ATF1: variants seen among roughly 807,000 people sequenced by gnomAD.
The protein encoded by ATF1 is activating transcription factor 1.
A neutral mutation model predicts 34.7 loss-of-function variants in ATF1; 16 were observed. The observed-to-expected ratio is 0.46, with a 90% CI of 0.31 to 0.70. ATF1 has a LOEUF of 0.70. ATF1 is among the 30% of genes least tolerant of loss of function. The pLI, the probability that ATF1 is intolerant of heterozygous loss-of-function variation, is 0.05. For missense variants in ATF1, 255 were observed against 321.6 expected (o/e 0.79, Z 1.58); for synonymous variants, 105 against 113.1 (o/e 0.93, Z 0.46).
At chr12:50,784,165 A>G (rs1941133148) in intron 2 of ATF1, among the ~76,000 whole-genome samples, 3 of 152,204 alleles carry the variant, frequency 2.0e-5, no homozygotes, top group African/African-American at 4.8e-5. Flanking sequence ...TGTCTCAAAA[A>G]AAAAAAGAAA....
chr12:50,770,874 T>C (rs1940752588), intron 1 of ATF1, among the ~76,000 whole-genome samples: 1 of 152,244 alleles, frequency 6.6e-6, no homozygotes, highest in African/African-American at 2.4e-5. Flanking sequence ...GGATCAGTAT[T>C]CTGATTCTGG....
intron 1 of ATF1, among the ~76,000 whole-genome samples, chr12:50,771,349 G>A (rs575650613): frequency 3.3e-5 from 5 of 152,182 alleles, no homozygotes; most frequent in South Asian, 2.1e-4. Flanking sequence ...TATACTTTTT[G>A]TGTAGGAATA....
At chr12:50,780,911 G>A (rs1403768665) in intron 2 of ATF1, among the ~76,000 whole-genome samples, 43 of 152,150 alleles carry the variant, frequency 2.8e-4, no homozygotes, top group Non-Finnish European at 2.9e-5. Flanking sequence ...AGTGAGCACA[G>A]ACTATGCCAC....
intron 2 of ATF1, among the ~76,000 whole-genome samples, chr12:50,780,738 G>A (rs532722063): frequency 1.8e-4 from 27 of 151,934 alleles, no homozygotes; most frequent in African/African-American, 5.8e-4. Context: ...CAGGGCGGGC[G>A]GATCACGAGG....
chr12:50,806,070 G>A (rs1286333641), intron 3 of ATF1, among the ~76,000 whole-genome samples: 1 of 151,378 alleles, frequency 6.6e-6, no homozygotes, highest in Non-Finnish European at 1.5e-5. Flanking sequence ...AGAATTGCTC[G>A]AACCTGGGAG....
chr12:50,795,967 C>G lies in ATF1; in HGVS notation c.152C>G (p.Ser51Ter). The G allele has an allele frequency of 6.2e-7, 1 of 1,612,900 alleles. No individual in the cohort carries two copies. Among genetic ancestry groups the G allele is most frequent in the Non-Finnish European group, 8.5e-7 (1 of 1,179,732 alleles). The change falls in exon 3 of 7, where the codon TCA becomes TGA. Residue 51 changes from serine (S) to a stop codon, truncating the protein, a stop_gained. Transcript: ENST00000262053. LOFTEE classifies it high-confidence loss of function. ...GACTCATCCGACAGCATAGGCTCCTCACAGAAAGCCCACGGGATCCTAGCA... is the reference window on the plus strand; with the variant it reads ...GACTCATCCGACAGCATAGGCTCCTGACAGAAAGCCCACGGGATCCTAGCA... ...SQDSSDSIGS[S>*]QKAHGILARR...
intron 3 of ATF1, among the ~76,000 whole-genome samples, chr12:50,802,607 TCA>T (rs1482750618): frequency 6.6e-6 from 1 of 151,928 alleles, no homozygotes; most frequent in East Asian, 1.9e-4. Flanking sequence ...GAGCGGTGGC[TCA>T]CATCTGTAAT....
chr12:50,780,957 A>C (rs1271863650), intron 2 of ATF1, among the ~76,000 whole-genome samples: 1 of 152,006 alleles, frequency 6.6e-6, no homozygotes, highest in Non-Finnish European at 1.5e-5. Flanking sequence ...GAGACTCCAT[A>C]TCATAAAAAT....
At chr12:50,774,571 A>G (rs1940863727) in intron 1 of ATF1, among the ~76,000 whole-genome samples, 1 of 152,206 alleles carries the variant, frequency 6.6e-6, no homozygotes, top group Non-Finnish European at 1.5e-5. Context: ...TTTATTCTGT[A>G]TTGAACAAGT....
chr12:50,794,101 C>A (rs1193180039), intron 2 of ATF1, among the ~76,000 whole-genome samples: 1 of 151,858 alleles, frequency 6.6e-6, no homozygotes, highest in African/African-American at 2.4e-5. Flanking sequence ...CAGGCGCCTA[C>A]CACCAGGCCC....
At chr12:50,802,871 C>CAAAA (rs71443203) in intron 3 of ATF1, among the ~76,000 whole-genome samples, 764 of 46,644 alleles carry the variant, frequency 0.016, 88 homozygotes, top group African/African-American at 0.066. Flanking sequence ...GACTCCATCT[C>CAAAA]AAAAAAAAAA....
At chr12:50,776,493 TAAAAAAA>T (rs771176201) in intron 1 of ATF1, among the ~76,000 whole-genome samples, 1 of 116,870 alleles carries the variant, frequency 8.6e-6, no homozygotes, top group African/African-American at 3.2e-5. Flanking sequence ...ACCCTGTCTT[TAAAAAAA>T]AAAAAAAAAA....
At chr12:50,808,164 A>T (rs1277185280) in intron 3 of ATF1, among the ~76,000 whole-genome samples, 2 of 152,100 alleles carry the variant, frequency 1.3e-5, no homozygotes, top group African/African-American at 4.8e-5. Flanking sequence ...TCCATCCCTT[A>T]TTCCTGTCAT....
intron 6 of ATF1, among the ~76,000 whole-genome samples, chr12:50,817,736 C>T (rs889704388): frequency 8.5e-5 from 13 of 152,064 alleles, no homozygotes; most frequent in Non-Finnish European, 1.5e-4. Context: ...GAAAGAATTA[C>T]GAGATGTATA....
intron 3 of ATF1, among the ~76,000 whole-genome samples, chr12:50,803,527 A>G (rs567849634): frequency 3.0e-4 from 46 of 151,966 alleles, no homozygotes; most frequent in African/African-American, 1.1e-3. Flanking sequence ...TACAGTTGCT[A>G]TGGAAAACAG....
At chr12:50,773,611 T>G (rs1940836931) in intron 1 of ATF1, among the ~76,000 whole-genome samples, 1 of 151,338 alleles carries the variant, frequency 6.6e-6, no homozygotes, top group Non-Finnish European at 1.5e-5. Context: ...TTCTTGAGAC[T>G]GAGTCTTGCT....
chr12:50,806,711 C>A (rs1941623492), intron 3 of ATF1, among the ~76,000 whole-genome samples: 1 of 151,524 alleles, frequency 6.6e-6, no homozygotes, highest in Non-Finnish European at 1.5e-5. Context: ...AAAAAAAAGA[C>A]CATGCAGGCA....
intron 1 of ATF1, chr12:50,775,565 G>GTT (rs1045403831): frequency 1.2e-4 from 17 of 141,110 alleles, no homozygotes; most frequent in African/African-American, 3.1e-4. Flanking sequence ...AATTAAAATT[G>GTT]TTTTTTTTTT....
At position 50,820,016 on chromosome 12, in the gene ATF1, A is replaced by G. The variant is rs1941917326; in HGVS notation, c.*237A>G. On this transcript the variant is annotated 3_prime_UTR_variant, in exon 7 of 7. Coordinates refer to ENST00000262053, the MANE Select transcript of ATF1 (RefSeq NM_005171.5). ...ATTAAACATATTCAAGGAGCAAGAA[A>G]TGAACTTTCAGCAGTCTAAATTTTC... The G allele has an allele frequency of 3.1e-6, 1 of 319,048 alleles. No individual in the cohort carries two copies. Among genetic ancestry groups the G allele is most frequent in the Non-Finnish European group, 5.7e-6 (1 of 176,084 alleles). The allele number at this position is 319,048 out of a possible 1,614,324, so 19.8% of individuals were successfully genotyped here. A position where few individuals can be genotyped will look rare whatever the true frequency, so the allele number is the denominator to read the frequency against.
Sources: gnomAD v4.1 joint callset for allele counts (sites outside exome capture counted in the v4.1 genomes callset) on GRCh38, gnomAD v4.1.1 for gene constraint, MANE v1.5 for transcripts, NCBI Gene and HGNC (gene_info 2026-07-23, HGNC 2026-07-21) for gene names.